Variants in DPP6 observed in about 807,000 individuals in gnomAD.
The protein encoded by DPP6 is A-type potassium channel modulatory protein DPP6.
In DPP6, 69 loss-of-function variants were observed where a neutral mutation model predicts 122.6. That is an observed-to-expected ratio of 0.56 (90% CI 0.46 to 0.69). DPP6 has a LOEUF of 0.69. Ranked by LOEUF, DPP6 falls within the 30% of genes least tolerant of loss-of-function variation. The pLI, the probability that DPP6 is intolerant of heterozygous loss-of-function variation, is 0.00. For missense variants in DPP6, 928 were observed against 1,116.9 expected (o/e 0.83, Z 2.41); for synonymous variants, 418 against 433.1 (o/e 0.97, Z 0.43).
At chr7:153,818,820 C>T in the DPP6 span, among the ~76,000 whole-genome samples, 1 of 151,938 alleles carries the variant, frequency 6.6e-6, no homozygotes, top group African/African-American at 2.4e-5. Context: ...GGTGTGATCC[C>T]AGCTCACTGC....
At chr7:153,919,975 A>G (rs1054613631) in intron 1 of DPP6, among the ~76,000 whole-genome samples, 10 of 152,236 alleles carry the variant, frequency 6.6e-5, no homozygotes, top group African/African-American at 2.4e-4. Flanking sequence ...ACTAATAGTA[A>G]TAGTACCTGG....
At chr7:154,687,877 A>T (rs932008007) in intron 7 of DPP6, among the ~76,000 whole-genome samples, 3 of 152,200 alleles carry the variant, frequency 2.0e-5, no homozygotes, top group Non-Finnish European at 4.4e-5. Context: ...GCTTACAATT[A>T]TCTTTCCCTA....
chr7:154,257,424 G>A (rs1250845508), intron 1 of DPP6, among the ~76,000 whole-genome samples: 1 of 152,104 alleles, frequency 6.6e-6, no homozygotes, highest in Admixed American at 6.5e-5. Flanking sequence ...TCTGGTGCGG[G>A]TGGCTCATAC....
At chr7:154,804,140 T>G (rs1471464584) in intron 14 of DPP6, among the ~76,000 whole-genome samples, 185 bp downstream of exon 14, 2 of 152,204 alleles carry the variant, frequency 1.3e-5, no homozygotes, top group Non-Finnish European at 2.9e-5. Context: ...CAGTCCGACT[T>G]CCAGAGCTGC....
intron 10 of DPP6, among the ~76,000 whole-genome samples, chr7:154,779,044 A>ACCATC (rs1796814045): frequency 2.0e-4 from 6 of 29,434 alleles, no homozygotes; most frequent in South Asian, 9.8e-4. Context: ...CCACCACCAC[A>ACCATC]ACTACCCCCA....
chr7:154,250,271 G>A (rs1028531553), intron 1 of DPP6, among the ~76,000 whole-genome samples: 15 of 152,130 alleles, frequency 9.9e-5, no homozygotes, highest in African/African-American at 3.6e-4. Flanking sequence ...CGGTGTCTGA[G>A]GGGTTTTGTC....
At chr7:153,932,927 G>C (rs996865117) in intron 1 of DPP6, among the ~76,000 whole-genome samples, 2 of 152,158 alleles carry the variant, frequency 1.3e-5, no homozygotes, top group African/African-American at 4.8e-5. Context: ...CCTGGGGGCA[G>C]ATTTTTCCCA....
intron 3 of DPP6, among the ~76,000 whole-genome samples, chr7:154,514,464 C>T (rs1055114150): frequency 5.9e-5 from 9 of 152,056 alleles, no homozygotes; most frequent in Non-Finnish European, 1.2e-4. Flanking sequence ...ACATTCACAT[C>T]GCTATGCACC....
At chr7:153,962,057 A>G (rs1257790062) in intron 1 of DPP6, among the ~76,000 whole-genome samples, 4 of 148,792 alleles carry the variant, frequency 2.7e-5, no homozygotes, top group East Asian at 2.0e-4. Flanking sequence ...CTGGGGGGAA[A>G]GAAATGGCGG....
chr7:154,129,756 C>T (rs1036649913), intron 1 of DPP6, among the ~76,000 whole-genome samples: 11 of 152,050 alleles, frequency 7.2e-5, no homozygotes, highest in African/African-American at 2.7e-4. Flanking sequence ...AACAATTAGC[C>T]AGGCGTGGTG....
intron 6 of DPP6, among the ~76,000 whole-genome samples, chr7:154,652,518 C>G (rs146921445): frequency 6.6e-6 from 1 of 151,628 alleles, no homozygotes. Flanking sequence ...GAGAAGGGAG[C>G]GTTTATCAGG....
intron 1 of DPP6, among the ~76,000 whole-genome samples, chr7:153,989,358 GGAGT>G (rs1797031151): frequency 6.7e-6 from 1 of 150,264 alleles, no homozygotes; most frequent in South Asian, 2.2e-4. Flanking sequence ...TGAGTGTGGG[GGAGT>G]GAGTATGGGG....
chr7:154,775,392 C>T (rs968291062), intron 10 of DPP6, among the ~76,000 whole-genome samples: 3 of 152,134 alleles, frequency 2.0e-5, no homozygotes, highest in Admixed American at 2.0e-4. Flanking sequence ...ACAACTCTCC[C>T]CTGTGTACCT....
At chr7:154,338,959 G>A (rs114634745) in intron 1 of DPP6, among the ~76,000 whole-genome samples, 2,714 of 152,238 alleles carry the variant, frequency 0.018, 80 homozygotes, top group African/African-American at 0.062. Context: ...ACCGATGTGC[G>A]GGTGCCAATC....
intron 1 of DPP6, among the ~76,000 whole-genome samples, chr7:154,103,742 G>A (rs1432075734): frequency 2.0e-5 from 3 of 152,212 alleles, no homozygotes; most frequent in South Asian, 2.1e-4. Context: ...AAGCTTACTC[G>A]CTGGTTCTTC....
the DPP6 span, among the ~76,000 whole-genome samples, chr7:153,748,221 GTC>G: frequency 2.0e-5 from 3 of 152,002 alleles, no homozygotes; most frequent in Admixed American, 2.0e-4. Flanking sequence ...CCACTCCACT[GTC>G]TCTCTTTCGC....
chr7:154,480,470 A>G (rs1013777013), intron 3 of DPP6, among the ~76,000 whole-genome samples: 27 of 152,154 alleles, frequency 1.8e-4, no homozygotes, highest in Non-Finnish European at 2.5e-4. Flanking sequence ...ATTGGACACC[A>G]TTGATTCCTC....
intron 1 of DPP6, among the ~76,000 whole-genome samples, chr7:154,334,810 C>T (rs961115210): frequency 2.6e-5 from 4 of 152,020 alleles, no homozygotes; most frequent in Admixed American, 6.5e-5. Context: ...GTGGGCGAAT[C>T]GCTTGAAGCT....
chr7:154,733,793 AG>A (rs1348065474), intron 8 of DPP6, among the ~76,000 whole-genome samples: 3 of 152,212 alleles, frequency 2.0e-5, no homozygotes, highest in African/African-American at 2.4e-5. Context: ...ATTCACCAAA[AG>A]AAAAGGGAAC....
Sources: gnomAD v4.1 joint callset for allele counts (sites outside exome capture counted in the v4.1 genomes callset) on GRCh38, gnomAD v4.1.1 for gene constraint, MANE v1.5 for transcripts, NCBI Gene and HGNC (gene_info 2026-07-23, HGNC 2026-07-21) for gene names.